Variants in SNAPC3 observed in about 807,000 individuals in gnomAD.
SNAPC3 encodes snRNA-activating protein complex subunit 3.
In SNAPC3, 56 loss-of-function variants were observed where a neutral mutation model predicts 47.7. The ratio of observed to expected loss-of-function variants is 1.18; its 90% CI spans 0.95 to 1.47. The LOEUF (loss-of-function observed/expected upper bound fraction) is 1.47. SNAPC3 is among the 40% of genes most tolerant of loss of function. The probability of loss-of-function intolerance (pLI) is 0.00; values close to 1 mark genes in which losing one functional copy is unlikely to be tolerated. For missense variants in SNAPC3, 665 were observed against 511.3 expected, an observed-to-expected ratio of 1.30 and a Z score of -2.90; for synonymous variants, 235 against 189.9, an observed-to-expected ratio of 1.24 and a Z score of -1.95.
At position 15,461,472 on chromosome 9, in the gene SNAPC3, T is replaced by A. The variant is rs1214671391; in HGVS notation, c.*1606T>A. The A allele has an allele frequency of 6.6e-6, 1 of 152,170 alleles. No homozygotes were observed. Among genetic ancestry groups the A allele is most frequent in the South Asian group, 2.1e-4 (1 of 4,832 alleles). 9.4% of individuals were successfully genotyped at this position (152,170 alleles called of 1,614,324 possible). A position where few individuals can be genotyped will look rare whatever the true frequency, so the allele number is the denominator to read the frequency against. ...CCACAGCGCCCAGCAAAATAAACTT[T>A]CTTTATTTTCAGGTCTAGACCATCA... On this transcript the variant is annotated 3_prime_UTR_variant, in exon 9 of 9. Coordinates refer to ENST00000380821, the MANE Select transcript of SNAPC3 (RefSeq NM_001039697.2).
chr9:15,445,420 T>G (rs1243120426), intron 4 of SNAPC3, among the ~76,000 whole-genome samples: 1 of 152,196 alleles, frequency 6.6e-6, no homozygotes, highest in East Asian at 1.9e-4. Context: ...GAGACAGCTC[T>G]TCTTTGATGA....
intron 2 of SNAPC3, among the ~76,000 whole-genome samples, chr9:15,425,328 C>G (rs2031220884): frequency 6.6e-6 from 1 of 152,172 alleles, no homozygotes; most frequent in African/African-American, 2.4e-5. Flanking sequence ...AGCGATTCTC[C>G]TGCCTCAGCC....
In SNAPC3 at chr9:15,450,343, G is replaced by A. The variant is rs548520592; in HGVS notation, c.733-977G>A. ...TAAGTGGGGGAATGAAGACAAGAAA[G>A]AAAAATGGAAGCTTCAAAGAACTAG... On this transcript the variant is annotated intron_variant, in intron 5 of 8. Coordinates refer to ENST00000380821, the MANE Select transcript of SNAPC3 (RefSeq NM_001039697.2). 5.3e-5 allele frequency among the ~76,000 whole-genome samples: 8 copies of A among 152,106 alleles called. No individual in the cohort carries two copies. The South Asian group carries it at 1.7e-3, about 32-fold the overall frequency.
chr9:15,441,729 C>T (rs1379272677), intron 3 of SNAPC3, among the ~76,000 whole-genome samples: 3 of 152,156 alleles, frequency 2.0e-5, no homozygotes, highest in Non-Finnish European at 4.4e-5. Flanking sequence ...TATAGATTAA[C>T]AGCATCCCAA....
intron 8 of SNAPC3, among the ~76,000 whole-genome samples, chr9:15,458,887 T>C (rs887989611): frequency 6.6e-6 from 1 of 152,218 alleles, no homozygotes; most frequent in Non-Finnish European, 1.5e-5. Flanking sequence ...CAAATGATCA[T>C]TGGAGCATTT....
At chr9:15,434,793 ACT>A (rs1486574967) in intron 3 of SNAPC3, among the ~76,000 whole-genome samples, 1 of 152,214 alleles carries the variant, frequency 6.6e-6, no homozygotes, top group Non-Finnish European at 1.5e-5. Context: ...ATGGCTGAAT[ACT>A]ATCTATTGTA....
Position 15,459,961 on chromosome 9 carries a change from C to T in SNAPC3, c.*95C>T. 2 of 1,097,490 alleles carry T rather than the reference C, an allele frequency of 1.8e-6. No individual in the cohort carries two copies. The highest frequency in any genetic ancestry group is 2.6e-6 in the Non-Finnish European group (2 of 767,462). 68.0% of individuals were successfully genotyped at this position (1,097,490 alleles called of 1,614,324 possible). A position where few individuals can be genotyped will look rare whatever the true frequency, so the allele number is the denominator to read the frequency against. On this transcript the variant is annotated 3_prime_UTR_variant, in exon 9 of 9. Coordinates refer to ENST00000380821, the MANE Select transcript of SNAPC3 (RefSeq NM_001039697.2). ...AGAAACGCCACTGAGGAACAGGATC[C>T]ACTTTGAACAGTCCGCTAAAGCTAT... is the stretch of plus-strand genomic sequence containing the variant.
Position 15,451,385 on chromosome 9 carries a change from AT to A in SNAPC3, c.799del (p.Cys267AlafsTer4). Reference protein sequence around the residue: ...TFYNDKRYPECRDLSRTIIEW... With the variant: ...TFYNDKRYPEXRDLSRTIIEW... ...TTTATAATGATAAAAGATACCCAGA[AT>A]GCAGAGATTTGAGCAGGTATAGTTT... On this transcript the variant is annotated frameshift_variant, in exon 6 of 9. Transcript: ENST00000380821. LOFTEE classifies it high-confidence loss of function. 1 of 1,542,938 alleles carries A rather than the reference AT, an allele frequency of 6.5e-7. No individual in the cohort carries two copies. Among genetic ancestry groups the A allele is most frequent in the Non-Finnish European group, 8.9e-7 (1 of 1,126,456 alleles).
At chr9:15,462,297 T>C (rs184970974), downstream of SNAPC3, 6 of 152,304 alleles carry the variant, frequency 3.9e-5, no homozygotes, top group East Asian at 9.6e-4. Flanking sequence ...CAGGTACCTA[T>C]TATTGTTCCC....
chr9:15,426,853 G>A (rs1183877864), intron 2 of SNAPC3, among the ~76,000 whole-genome samples: 5 of 151,914 alleles, frequency 3.3e-5, no homozygotes, highest in South Asian at 2.1e-4. Context: ...TCTTCAACTG[G>A]GGTTATTTTG....
At chr9:15,453,334 G>C in intron 7 of SNAPC3, 129 bp downstream of exon 7, 1 of 613,090 alleles carries the variant, frequency 1.6e-6, no homozygotes, top group Non-Finnish European at 2.7e-6. Flanking sequence ...CTTGGGAGCA[G>C]CAAAAATACT....
At position 15,459,889 on chromosome 9, in the gene SNAPC3, ACC is replaced by A; in HGVS notation, c.*27_*28del. The A allele has an allele frequency of 1.3e-6, 2 of 1,596,640 alleles. No homozygotes were observed. The highest frequency in any genetic ancestry group is 1.7e-6 in the Non-Finnish European group (2 of 1,170,024). ...TAAGAATAGCTACACTCACAAAAAT[ACC>A]CCCTCATGAAATAACTGTTCTCTTG... On this transcript the variant is annotated 3_prime_UTR_variant, in exon 9 of 9. Transcript: ENST00000380821.
At chr9:15,465,492 G>C, downstream of SNAPC3, 1 of 1,491,994 alleles carries the variant, frequency 6.7e-7, no homozygotes, top group African/African-American at 1.4e-5. Flanking sequence ...AACTTCTCAA[G>C]TGTTCTCTAT....
intron 7 of SNAPC3, among the ~76,000 whole-genome samples, chr9:15,455,843 C>T (rs1358452154): frequency 6.6e-6 from 1 of 152,012 alleles, no homozygotes; most frequent in Non-Finnish European, 1.5e-5. Flanking sequence ...GGATTACAGG[C>T]ACGTGCCACC....
At chr9:15,463,524 G>GGGGTA, downstream of SNAPC3, 1 of 135,088 alleles carries the variant, frequency 7.4e-6, no homozygotes, top group Non-Finnish European at 1.7e-5. Context: ...GGGGTGGGGT[G>GGGGTA]GGGGTTATCT....
At chr9:15,453,735 T>C (rs1284637169) in intron 7 of SNAPC3, among the ~76,000 whole-genome samples, 1 of 152,262 alleles carries the variant, frequency 6.6e-6, no homozygotes, top group East Asian at 1.9e-4. Flanking sequence ...CTCTATTCCA[T>C]GAATAAGGCT....
intron 5 of SNAPC3, among the ~76,000 whole-genome samples, chr9:15,450,273 T>TA (rs1156629773): frequency 6.6e-6 from 1 of 152,128 alleles, no homozygotes; most frequent in African/African-American, 2.4e-5. Flanking sequence ...AGAAACAACA[T>TA]AGCCAGTCTT....
downstream of SNAPC3, chr9:15,464,896 G>A (rs1248113526): frequency 4.7e-6 from 1 of 214,306 alleles, no homozygotes. Context: ...AGAATTCTCA[G>A]TTCCATGTCA....
intron 5 of SNAPC3, among the ~76,000 whole-genome samples, chr9:15,449,096 C>T (rs2034166340): frequency 6.6e-6 from 1 of 152,110 alleles, no homozygotes; most frequent in Non-Finnish European, 1.5e-5. Context: ...AAGGTGTGAG[C>T]CACCGTGCCT....
Sources: gnomAD v4.1 joint callset for allele counts (sites outside exome capture counted in the v4.1 genomes callset) on GRCh38, gnomAD v4.1.1 for gene constraint, MANE v1.5 for transcripts, NCBI Gene and HGNC (gene_info 2026-07-23, HGNC 2026-07-21) for gene names.